Variants in UBE3A observed in about 807,000 individuals in gnomAD.
UBE3A encodes ubiquitin protein ligase E3A.
A neutral mutation model predicts 83.4 loss-of-function variants in UBE3A; 6 were observed. The observed-to-expected ratio is 0.07, with a 90% CI of 0.04 to 0.14. UBE3A has a LOEUF of 0.14. Ranked by LOEUF, UBE3A falls within the 10% of genes least tolerant of loss-of-function variation. The pLI, the probability that UBE3A is intolerant of heterozygous loss-of-function variation, is 1.00. For missense variants in UBE3A, 456 were observed against 1,036.1 expected (o/e 0.44, Z 7.69); for synonymous variants, 337 against 355.4 (o/e 0.95, Z 0.58).
chr15:25,365,598 A>G (rs928648216), intron 6 of UBE3A, among the ~76,000 whole-genome samples: 2 of 151,624 alleles, frequency 1.3e-5, no homozygotes, highest in East Asian at 3.9e-4. Context: ...ATACAAAAAA[A>G]TTAGCTGGGC....
At position 25,339,053 on chromosome 15, in the gene UBE3A, A is replaced by C; in HGVS notation, c.*84T>G. ...GGGACACTATCACCACCAAAAATTT[A>C]TCCCTCGTTATATTTTTAAAATTTT... is the stretch of plus-strand genomic sequence containing the variant. On this transcript the variant is annotated 3_prime_UTR_variant, in exon 13 of 13. Coordinates refer to ENST00000648336, the MANE Select transcript of UBE3A (RefSeq NM_130839.5). 1.4e-6 allele frequency: 2 copies of C among 1,390,938 alleles called. No homozygotes were observed. Among genetic ancestry groups the C allele is most frequent in the Non-Finnish European group, 1.9e-6 (2 of 1,063,966 alleles). The allele number at this position is 1,390,938 out of a possible 1,614,324, so 86.2% of individuals were successfully genotyped here. A position where few individuals can be genotyped will look rare whatever the true frequency, so the allele number is the denominator to read the frequency against.
At chr15:25,344,443 T>C (rs992986178) in intron 11 of UBE3A, among the ~76,000 whole-genome samples, 5 of 152,164 alleles carry the variant, frequency 3.3e-5, no homozygotes, top group Non-Finnish European at 2.9e-5. Flanking sequence ...TCTCCAACAA[T>C]TTATTGGAAA....
At chr15:25,374,401 T>G (rs1157306582) in intron 5 of UBE3A, 1 of 152,290 alleles carries the variant, frequency 6.6e-6, no homozygotes, top group Non-Finnish European at 1.5e-5. Flanking sequence ...TGGTACTCTC[T>G]GGTGCACACT....
chr15:25,395,433 T>G (rs995373267), intron 4 of UBE3A, among the ~76,000 whole-genome samples: 1 of 152,080 alleles, frequency 6.6e-6, no homozygotes, highest in African/African-American at 2.4e-5. Flanking sequence ...AGAAGTATAA[T>G]GGTTAAAAAA....
chr15:25,351,726 C>T (rs1033220282), intron 11 of UBE3A, among the ~76,000 whole-genome samples: 1 of 152,136 alleles, frequency 6.6e-6, no homozygotes, highest in Non-Finnish European at 1.5e-5. Flanking sequence ...CCGCCTCGGG[C>T]GTTTTTGCAT....
intron 4 of UBE3A, among the ~76,000 whole-genome samples, chr15:25,380,170 G>C (rs2081938967): frequency 6.6e-6 from 1 of 152,068 alleles, no homozygotes; most frequent in Non-Finnish European, 1.5e-5. Context: ...CATGCAAGAA[G>C]TGTCTTTCAC....
intron 3 of UBE3A, chr15:25,408,070 T>C (rs1184044444): frequency 1.3e-5 from 2 of 153,722 alleles, no homozygotes; most frequent in African/African-American, 4.8e-5. Context: ...ACCTCGTCTC[T>C]TAGCCGGGTG....
At chr15:25,375,307 G>T in intron 5 of UBE3A, 158 bp downstream of exon 5, 1 of 793,166 alleles carries the variant, frequency 1.3e-6, no homozygotes, top group Non-Finnish European at 2.0e-6. Context: ...CCTGTAAAAT[G>T]TAGTTATTAT....
In UBE3A at chr15:25,430,089, TTA is replaced by T. The variant is rs1171688725; in HGVS notation, c.-165+8398_-165+8399del. On this transcript the variant is annotated intron_variant, in intron 1 of 12. Transcript: ENST00000648336. ...ATATATATAATACATATATATAAGA[TTA>T]TATATATATTATATATATAATACAT... 2.0e-3 allele frequency among the ~76,000 whole-genome samples: 185 copies of T among 91,996 alleles called. 2 individuals carry two copies. Among genetic ancestry groups the T allele is most frequent in the Admixed American group, 2.7e-3 (20 of 7,418 alleles). The allele number at this position is 91,996 out of a possible 152,430, so 60.4% of individuals were successfully genotyped here. A position where few individuals can be genotyped will look rare whatever the true frequency, so the allele number is the denominator to read the frequency against.
intron 9 of UBE3A, among the ~76,000 whole-genome samples, 157 bp downstream of exon 9, chr15:25,355,735 C>T (rs1043597642): frequency 5.3e-5 from 8 of 152,036 alleles, no homozygotes; most frequent in African/African-American, 1.7e-4. Context: ...CAACTTATAT[C>T]CAAGATTTAG....
chr15:25,354,818 C>G (rs1257277260), intron 9 of UBE3A, 135 bp from the exon 10 acceptor site: 6 of 817,496 alleles, frequency 7.3e-6, no homozygotes, highest in Non-Finnish European at 1.9e-6. Flanking sequence ...CAATTTTACA[C>G]CTACTTCTTA....
At position 25,340,029 on chromosome 15, in the gene UBE3A, G is replaced by C. The variant is rs919801632; in HGVS notation, c.2498+56C>G. The C allele has an allele frequency of 3.2e-5, 51 of 1,605,306 alleles. 1 individual carries two copies. Among genetic ancestry groups the C allele is most frequent in the Middle Eastern group, 1.7e-4 (1 of 5,892 alleles). On this transcript the variant is annotated intron_variant, in intron 12 of 12. Coordinates refer to ENST00000648336, the MANE Select transcript of UBE3A (RefSeq NM_130839.5). ...CTATAAAGACAGTTCATATGTATGTGACGAGGAATGCAAGGTTTTCGGTAG... is the reference window on the plus strand; with the variant it reads ...CTATAAAGACAGTTCATATGTATGTCACGAGGAATGCAAGGTTTTCGGTAG...
chr15:25,362,186 A>C (rs1335567433), intron 6 of UBE3A, among the ~76,000 whole-genome samples: 1 of 152,232 alleles, frequency 6.6e-6, no homozygotes, highest in Admixed American at 6.5e-5. Context: ...GCAGTCAAAG[A>C]GTTTGACAAA....
chr15:25,356,116 T>C, intron 8 of UBE3A, 60 bp from the exon 9 acceptor site: 2 of 1,574,646 alleles, frequency 1.3e-6, no homozygotes, highest in East Asian at 4.5e-5. Context: ...AACAAATAAT[T>C]TATATCACTC....
chr15:25,383,596 A>G (rs6576419), intron 4 of UBE3A, among the ~76,000 whole-genome samples: 57,386 of 152,048 alleles, frequency 0.38, 14,270 homozygotes, highest in African/African-American at 0.72. Flanking sequence ...GTGAGATAGC[A>G]TCATTGCACT....
intron 1 of UBE3A, among the ~76,000 whole-genome samples, chr15:25,431,448 T>G (rs1893423312): frequency 6.6e-6 from 1 of 152,218 alleles, no homozygotes; most frequent in Non-Finnish European, 1.5e-5. Context: ...GTTCAAGCGA[T>G]TCTCGTGCCT....
intron 4 of UBE3A, among the ~76,000 whole-genome samples, chr15:25,387,751 G>A (rs543297709): frequency 6.6e-6 from 1 of 151,924 alleles, no homozygotes; most frequent in Non-Finnish European, 1.5e-5. Flanking sequence ...AAGAGACAAA[G>A]GACAAAATAA....
At chr15:25,367,330 A>AG (rs1203606364) in intron 6 of UBE3A, among the ~76,000 whole-genome samples, 1 of 150,930 alleles carries the variant, frequency 6.6e-6, no homozygotes, top group African/African-American at 2.4e-5. Context: ...TTTATATTAA[A>AG]AATGTAAATT....
chr15:25,348,514 T>G (rs558169095), intron 11 of UBE3A, among the ~76,000 whole-genome samples: 89 of 152,142 alleles, frequency 5.8e-4, no homozygotes, highest in African/African-American at 2.1e-3. Flanking sequence ...ATAAATAACA[T>G]AAACATTGGA....
Sources: allele counts gnomAD v4.1 joint callset (sites outside exome capture counted in the v4.1 genomes callset), GRCh38; gene constraint gnomAD v4.1.1; transcripts MANE v1.5; gene names NCBI Gene and HGNC (gene_info 2026-07-23, HGNC 2026-07-21).